The following MGST1 variants were observed in gnomAD, a reference collection of about 807,000 sequenced individuals.
The protein encoded by MGST1 is microsomal glutathione S-transferase 1.
Under a neutral mutation model 8.9 loss-of-function variants are expected in MGST1, and 5 were observed. The ratio of observed to expected loss-of-function variants is 0.56; its 90% confidence interval spans 0.29 to 1.19. The LOEUF is 1.19. Among genes scored for constraint, MGST1 ranks in the 50% most tolerant of loss-of-function variants. MGST1 has a pLI of 0.08. For synonymous variants in MGST1, 54 were observed against 67.8 expected, an observed-to-expected ratio of 0.80 and a Z score of 1.00; for missense variants, 182 against 187.4, an observed-to-expected ratio of 0.97 and a Z score of 0.17.
chr12:16,432,059 T>C (rs1188244672), intron 1 of MGST1, among the ~76,000 whole-genome samples: 1 of 152,196 alleles, frequency 6.6e-6, no homozygotes. Context: ...TGATGTGGTC[T>C]ATGCATTCCA....
intron 4 of MGST1, among the ~76,000 whole-genome samples, chr12:16,530,336 G>C (rs537006405): frequency 6.6e-6 from 1 of 152,044 alleles, no homozygotes; most frequent in South Asian, 2.1e-4. Flanking sequence ...TCAAGCTTTT[G>C]TTTTATATTC....
chr12:16,480,966 A>G (rs1262845007), intron 4 of MGST1, among the ~76,000 whole-genome samples: 2 of 152,168 alleles, frequency 1.3e-5, no homozygotes, highest in African/African-American at 4.8e-5. Context: ...GTTTAAAAAC[A>G]TTTTTTAAAA....
Position 16,485,494 on chromosome 12 carries a change from C to T in MGST1, n.482+101890C>T, listed in dbSNP as rs577919438. On this transcript the variant is annotated intron_variant and non_coding_transcript_variant, in intron 4 of 4. Coordinates refer to the MGST1 transcript ENST00000538857. ...TTGGGATGTGAACTATGTTTTAATC[C>T]ATTTTGGATTCATTACTTTACCGAA... Among the ~76,000 whole-genome samples, 9 of 152,154 alleles carry T rather than the reference C, an allele frequency of 5.9e-5. No individual in the cohort carries two copies. In the South Asian group the frequency reaches 1.9e-3, roughly 32 times the overall value.
intron 1 of MGST1, among the ~76,000 whole-genome samples, chr12:16,387,720 T>G (rs999039922): frequency 2.7e-4 from 41 of 151,758 alleles, no homozygotes; most frequent in Middle Eastern, 3.4e-3. Flanking sequence ...TAGAGACGGG[T>G]TTTCACCGTG....
intron 4 of MGST1, among the ~76,000 whole-genome samples, chr12:16,486,050 C>A (rs1479853546): frequency 6.6e-6 from 1 of 152,160 alleles, no homozygotes; most frequent in Non-Finnish European, 1.5e-5. Flanking sequence ...TAATGCTTTC[C>A]CTCCTCAAAC....
At chr12:16,452,813 A>C (rs1363834930) in intron 4 of MGST1, among the ~76,000 whole-genome samples, 3 of 151,976 alleles carry the variant, frequency 2.0e-5, no homozygotes, top group Non-Finnish European at 4.4e-5. Flanking sequence ...ATTACAGGGC[A>C]TTAAAATGTT....
chr12:16,550,262 G>A (rs544883571), intron 4 of MGST1: 2 of 152,490 alleles, frequency 1.3e-5, no homozygotes, highest in Admixed American at 1.3e-4. Flanking sequence ...CTCTTGTGGA[G>A]AGATCTGGGC....
chr12:16,436,823 C>T (rs1940991497), intron 1 of MGST1, among the ~76,000 whole-genome samples: 2 of 151,884 alleles, frequency 1.3e-5, no homozygotes, highest in South Asian at 4.1e-4. Flanking sequence ...GGACTTAATC[C>T]CAGGAAATCT....
exon 2 of MGST1, chr12:16,438,063 G>A (rs1464098841): frequency 1.3e-5 from 2 of 151,916 alleles, no homozygotes; most frequent in Admixed American, 6.6e-5. Flanking sequence ...GTTCAATATA[G>A]TGCAGTGCTC....
intron 1 of MGST1, among the ~76,000 whole-genome samples, chr12:16,432,307 T>C (rs1381814796): frequency 6.6e-6 from 1 of 152,132 alleles, no homozygotes; most frequent in Non-Finnish European, 1.5e-5. Context: ...TATCACGTAG[T>C]GGATTCCACC....
At chr12:16,373,972 A>G (rs1010139877) in intron 3 of MGST1, among the ~76,000 whole-genome samples, 1 of 152,088 alleles carries the variant, frequency 6.6e-6, no homozygotes, top group African/African-American at 2.4e-5. Flanking sequence ...ATTTTTTTCC[A>G]TGAGATCAGT....
downstream of MGST1, among the ~76,000 whole-genome samples, chr12:16,378,641 G>A (rs1269897253): frequency 4.3e-4 from 64 of 149,466 alleles, no homozygotes; most frequent in African/African-American, 1.5e-3. Flanking sequence ...CTCTTTTTTG[G>A]TTCCATATGA....
chr12:16,491,925 ATT>A (rs1791720518), intron 4 of MGST1, among the ~76,000 whole-genome samples: 1 of 152,124 alleles, frequency 6.6e-6, no homozygotes, highest in African/African-American at 2.4e-5. Context: ...GCAAAGTTTG[ATT>A]TTAAAATATC....
intron 4 of MGST1, among the ~76,000 whole-genome samples, chr12:16,471,258 G>T (rs1004028730): frequency 5.9e-5 from 9 of 152,108 alleles, no homozygotes; most frequent in African/African-American, 2.2e-4. Context: ...CTTGCCTCCG[G>T]CAGTGGCCAA....
At chr12:16,355,994 C>T (rs150512629) in intron 2 of MGST1, among the ~76,000 whole-genome samples, 1 of 152,254 alleles carries the variant, frequency 6.6e-6, no homozygotes, top group Non-Finnish European at 1.5e-5. Flanking sequence ...GCCATCTTCT[C>T]ATTGTATCCT....
At position 16,482,444 on chromosome 12, in the gene MGST1, A is replaced by G. The variant is rs181438538; in HGVS notation, n.482+98840A>G. Among the ~76,000 whole-genome samples, 97 of 152,298 alleles carry G rather than the reference A, an allele frequency of 6.4e-4. No homozygotes were observed. The highest frequency in any genetic ancestry group is 2.3e-3 in the African/African-American group (95 of 41,568). On this transcript the variant is annotated intron_variant and non_coding_transcript_variant, in intron 4 of 4. Transcript: ENST00000538857. This position sits in a 1 kb window ranked among gnomAD's most constrained non-coding sequence, Gnocchi z 4.2. Reference sequence around the variant, plus strand: ...ACAGGAGTTCCAGATCAGCCTGGCCAAGAGGGTGAAACACCGTCTCTACTA... The same window carrying G: ...ACAGGAGTTCCAGATCAGCCTGGCCGAGAGGGTGAAACACCGTCTCTACTA...
chr12:16,364,525 T>A, downstream of MGST1: 1 of 421,894 alleles, frequency 2.4e-6, no homozygotes, highest in Non-Finnish European at 3.2e-6. This position sits in a 1 kb window ranked among gnomAD's most constrained non-coding sequence, Gnocchi z 5.7. Flanking sequence ...CGCCAGTTGT[T>A]AACATTTTGC....
intron 1 of MGST1, chr12:16,399,147 C>T (rs181895013): frequency 2.1e-6 from 2 of 966,042 alleles, no homozygotes; most frequent in African/African-American, 1.6e-5. Flanking sequence ...TAAATGGCCC[C>T]CGAAACCCAT....
At chr12:16,592,228 A>G (rs898531263), downstream of MGST1, among the ~76,000 whole-genome samples, 1 of 152,086 alleles carries the variant, frequency 6.6e-6, no homozygotes, top group African/African-American at 2.4e-5. Context: ...TAGAACTTTT[A>G]AAGAGATAGC....
Sources: gnomAD v4.1 joint callset for allele counts (sites outside exome capture counted in the v4.1 genomes callset) on GRCh38, gnomAD v4.1.1 for gene constraint, Gnocchi (gnomAD v3.1) non-coding constraint, MANE v1.5 for transcripts, NCBI Gene and HGNC (gene_info 2026-07-23, HGNC 2026-07-21) for gene names.